SEPTIN7: variants seen among roughly 807,000 people sequenced by gnomAD.
SEPTIN7 encodes septin-7.
A neutral mutation model predicts 63.3 loss-of-function variants in SEPTIN7; 10 were observed. The observed-to-expected ratio is 0.16, with a 90% CI of 0.10 to 0.27. SEPTIN7 has a LOEUF of 0.27. Ranked by LOEUF, SEPTIN7 falls within the 10% of genes least tolerant of loss-of-function variation. The probability of loss-of-function intolerance (pLI) is 1.00; values close to 1 mark genes in which losing one functional copy is unlikely to be tolerated. For synonymous variants in SEPTIN7, 131 were observed against 165.3 expected (o/e 0.79, Z 1.59); for missense variants, 310 against 521.0 (o/e 0.59, Z 3.94).
intron 3 of SEPTIN7, among the ~76,000 whole-genome samples, chr7:35,843,621 T>C (rs1784520212): frequency 6.6e-6 from 1 of 152,340 alleles, no homozygotes; most frequent in African/African-American, 2.4e-5. Flanking sequence ...AAAATTGTTA[T>C]TTTGGACTGC....
At chr7:35,867,092 C>T (rs1419259462) in intron 4 of SEPTIN7, among the ~76,000 whole-genome samples, 1 of 152,086 alleles carries the variant, frequency 6.6e-6, no homozygotes, top group East Asian at 1.9e-4. Flanking sequence ...AGTGTTTTAC[C>T]TTAGTTCTTT....
chr7:35,838,633 G>T (rs1784255909), intron 3 of SEPTIN7: 1 of 151,632 alleles, frequency 6.6e-6, no homozygotes, highest in Non-Finnish European at 1.5e-5. Flanking sequence ...ATCCGCCTTG[G>T]CCTCCCAAAG....
chr7:35,835,426 G>A (rs1784034931), intron 3 of SEPTIN7, among the ~76,000 whole-genome samples: 1 of 152,130 alleles, frequency 6.6e-6, no homozygotes, highest in East Asian at 1.9e-4. Context: ...GCCCTATGAA[G>A]TAGGTATTGT....
Position 35,801,214 on chromosome 7 carries a change from C to A in SEPTIN7, c.5C>A (p.Ser2Ter). 4 of 1,517,560 alleles carry A rather than the reference C, an allele frequency of 2.6e-6. No individual in the cohort carries two copies. Among genetic ancestry groups the A allele is most frequent in the Non-Finnish European group, 3.5e-6 (4 of 1,132,046 alleles). The allele number at this position is 1,517,560 out of a possible 1,614,324, so 94.0% of individuals were successfully genotyped here. Residue 2 changes from serine to a stop codon, truncating the protein, a stop_gained, in exon 1 of 14, where the codon TCG (serine) becomes TAG (stop). Transcript: ENST00000350320. LOFTEE classifies it high-confidence loss of function. The part of the protein sequence containing the change: M[S>*]VSARSAAAEE... The stretch of plus-strand genomic sequence containing the variant: ...GGTCGCGGAGGGGGGGAGGGGATGT[C>A]GGTCAGTGCGAGATCCGCTGCTGCT...
At chr7:35,826,548 A>G (rs1783525786) in intron 1 of SEPTIN7, among the ~76,000 whole-genome samples, 1 of 152,046 alleles carries the variant, frequency 6.6e-6, no homozygotes. Flanking sequence ...TGGGTGTGTT[A>G]AGGTAATTTG....
chr7:35,823,286 C>T (rs1183995484), intron 1 of SEPTIN7, among the ~76,000 whole-genome samples: 2 of 152,258 alleles, frequency 1.3e-5, no homozygotes, highest in East Asian at 3.9e-4. Flanking sequence ...ACTGCAATCT[C>T]CACCTCCCAG....
At chr7:35,850,896 A>G (rs1784923839) in intron 3 of SEPTIN7, among the ~76,000 whole-genome samples, 1 of 152,182 alleles carries the variant, frequency 6.6e-6, no homozygotes, top group Non-Finnish European at 1.5e-5. Flanking sequence ...CTAGAGATTA[A>G]TAAGAAATGT....
chr7:35,811,069 G>A (rs972806080), intron 1 of SEPTIN7, among the ~76,000 whole-genome samples: 4 of 151,918 alleles, frequency 2.6e-5, no homozygotes, highest in African/African-American at 7.2e-5. Flanking sequence ...GTGCCCAGCC[G>A]AGTTCTTTCT....
chr7:35,872,645 C>A, intron 4 of SEPTIN7, 21 bp from the exon 5 acceptor site: 1 of 1,554,420 alleles, frequency 6.4e-7, no homozygotes, highest in Non-Finnish European at 8.9e-7. Context: ...ATATTAACAT[C>A]TGCACCAATT....
intron 13 of SEPTIN7, among the ~76,000 whole-genome samples, 165 bp downstream of exon 13, chr7:35,903,380 A>G (rs1270428180): frequency 2.2e-5 from 3 of 137,140 alleles, no homozygotes; most frequent in Non-Finnish European, 5.0e-5. Context: ...ATGGATGGAT[A>G]CAGTCTGTGT....
intron 11 of SEPTIN7, among the ~76,000 whole-genome samples, chr7:35,894,102 A>G (rs1245559628): frequency 1.4e-5 from 2 of 148,128 alleles, no homozygotes; most frequent in East Asian, 4.0e-4. Flanking sequence ...AGGAAGTGTG[A>G]TCCCCAATAA....
Position 35,842,691 on chromosome 7 carries a change from CAT to C in SEPTIN7, c.169+9792_169+9793del, listed in dbSNP as rs376522823. Among the ~76,000 whole-genome samples the C allele has an allele frequency of 2.9e-4, 44 of 152,232 alleles. No homozygotes were observed. The East Asian group carries it at 7.9e-3, about 27-fold the overall frequency. ...GAAGTGTACGTCATTATTTACTGCACATGATTACTGTGCTGAAAATAATGTGT... is the reference window on the plus strand; with the variant it reads ...GAAGTGTACGTCATTATTTACTGCACGATTACTGTGCTGAAAATAATGTGT... On this transcript the variant is annotated intron_variant, in intron 3 of 13. Transcript: ENST00000350320.
intron 8 of SEPTIN7, among the ~76,000 whole-genome samples, 195 bp from the exon 9 acceptor site, chr7:35,883,696 T>C (rs561327557): frequency 5.3e-5 from 8 of 152,268 alleles, no homozygotes; most frequent in Admixed American, 3.3e-4. Flanking sequence ...TTATTTATTG[T>C]TTACCTTGGT....
intron 1 of SEPTIN7, among the ~76,000 whole-genome samples, chr7:35,818,946 T>C (rs1351873910): frequency 6.6e-6 from 1 of 151,908 alleles, no homozygotes; most frequent in Non-Finnish European, 1.5e-5. Flanking sequence ...TGTTTCTGTT[T>C]TATGTATTTC....
At chr7:35,849,232 T>G (rs1230381873) in intron 3 of SEPTIN7, among the ~76,000 whole-genome samples, 1 of 152,186 alleles carries the variant, frequency 6.6e-6, no homozygotes. Context: ...TCTAATGTAG[T>G]CTAGACCAGT....
intron 11 of SEPTIN7, among the ~76,000 whole-genome samples, chr7:35,893,533 G>T (rs538146144): frequency 5.3e-5 from 8 of 152,228 alleles, no homozygotes; most frequent in African/African-American, 1.9e-4. Context: ...TGTGTAGTAG[G>T]TTATACTATC....
chr7:35,876,486 T>A lies in SEPTIN7; in HGVS notation c.512+2711T>A, dbSNP rs181422296. On this transcript the variant is annotated intron_variant, in intron 6 of 13. Transcript: ENST00000350320. ...TTGAATATTTCATGGCATTTATATT[T>A]AGTGTTTTATATAATGATTAATGAA... is the stretch of plus-strand genomic sequence containing the variant. Among the ~76,000 whole-genome samples, 367 of 152,294 alleles carry A rather than the reference T, an allele frequency of 2.4e-3. 2 individuals carry two copies. The highest frequency in any genetic ancestry group is 8.3e-3 in the African/African-American group (345 of 41,560).
chr7:35,878,049 A>G (rs761781969), intron 6 of SEPTIN7, among the ~76,000 whole-genome samples: 9 of 152,194 alleles, frequency 5.9e-5, no homozygotes, highest in Non-Finnish European at 1.0e-4. Context: ...TATGGTTTCT[A>G]TTCTATGCGT....
chr7:35,898,171 T>C (rs1788068495), intron 11 of SEPTIN7, 77 bp from the exon 12 acceptor site: 2 of 1,154,816 alleles, frequency 1.7e-6, no homozygotes, highest in Admixed American at 5.9e-5. Flanking sequence ...TGATTTGTTT[T>C]CATCAGCTGT....
Sources: allele counts gnomAD v4.1 joint callset (sites outside exome capture counted in the v4.1 genomes callset), GRCh38; gene constraint gnomAD v4.1.1; transcripts MANE v1.5; gene names NCBI Gene and HGNC (gene_info 2026-07-23, HGNC 2026-07-21).